DAB1: variants seen among roughly 807,000 people sequenced by gnomAD.
DAB1 encodes DAB adaptor protein 1, also known as disabled homolog 1.
A neutral mutation model predicts 64.6 loss-of-function variants in DAB1; 15 were observed. That is an observed-to-expected ratio of 0.23 (90% CI 0.16 to 0.36). DAB1 has a LOEUF of 0.36. Among genes scored for constraint, DAB1 ranks in the 10% least tolerant of loss-of-function variants. The probability of loss-of-function intolerance (pLI) is 1.00; values close to 1 mark genes in which losing one functional copy is unlikely to be tolerated. For missense variants in DAB1, 596 were observed against 706.7 expected, an observed-to-expected ratio of 0.84 and a Z score of 1.78; for synonymous variants, 235 against 251.9, an observed-to-expected ratio of 0.93 and a Z score of 0.64.
chr1:57,052,961 T>G (rs1243841290), intron 9 of DAB1, among the ~76,000 whole-genome samples: 2 of 152,196 alleles, frequency 1.3e-5, no homozygotes, highest in East Asian at 3.9e-4. Context: ...GTAAAATAAC[T>G]GGAGGCAACT....
At chr1:57,147,115 C>T (rs961754316) in intron 2 of DAB1, among the ~76,000 whole-genome samples, 2 of 151,514 alleles carry the variant, frequency 1.3e-5, no homozygotes, top group Non-Finnish European at 1.5e-5. Flanking sequence ...ACTGCAGCCA[C>T]GACCTCCCAG....
At chr1:58,476,942 G>A (rs780170941) in intron 3 of DAB1, among the ~76,000 whole-genome samples, 9 of 152,198 alleles carry the variant, frequency 5.9e-5, no homozygotes, top group Non-Finnish European at 1.3e-4. Context: ...GTCATTGAGA[G>A]TTGAGTACTG....
At chr1:58,418,631 C>A (rs1302311102) in intron 3 of DAB1, among the ~76,000 whole-genome samples, 4 of 152,050 alleles carry the variant, frequency 2.6e-5, no homozygotes, top group Non-Finnish European at 5.9e-5. Context: ...CAGGAAAAAA[C>A]TGAGAGGCAA....
chr1:57,261,863 T>TA (rs1377689369), intron 2 of DAB1, among the ~76,000 whole-genome samples: 2 of 152,224 alleles, frequency 1.3e-5, no homozygotes, highest in African/African-American at 4.8e-5. Context: ...TGAAGTGCGG[T>TA]AAAAAATGTC....
intron 5 of DAB1, among the ~76,000 whole-genome samples, chr1:58,093,875 C>T (rs538777369): frequency 6.6e-6 from 1 of 152,218 alleles, no homozygotes; most frequent in South Asian, 2.1e-4. Context: ...CCTCTCCTGG[C>T]CTGCTTGCCC....
At chr1:58,320,861 A>T (rs935479846) in intron 4 of DAB1, among the ~76,000 whole-genome samples, 1 of 152,218 alleles carries the variant, frequency 6.6e-6, no homozygotes, top group African/African-American at 2.4e-5. Flanking sequence ...AGATGGGTTC[A>T]GCCAATGGGA....
chr1:57,419,884 C>T (rs998647857), intron 1 of DAB1, among the ~76,000 whole-genome samples: 2 of 152,256 alleles, frequency 1.3e-5, no homozygotes, highest in African/African-American at 2.4e-5. Flanking sequence ...TTACCACCTG[C>T]TATACCACCT....
chr1:58,191,171 C>A (rs1202262493), intron 4 of DAB1, among the ~76,000 whole-genome samples: 1 of 152,148 alleles, frequency 6.6e-6, no homozygotes, highest in South Asian at 2.1e-4. Flanking sequence ...ATCTTCTTAG[C>A]CAGAGTTTTC....
chr1:58,237,400 T>C (rs1219988979), intron 4 of DAB1, among the ~76,000 whole-genome samples: 1 of 152,212 alleles, frequency 6.6e-6, no homozygotes, highest in Non-Finnish European at 1.5e-5. Flanking sequence ...TCCTACTGTG[T>C]TAACATTGCA....
At position 57,568,296 on chromosome 1, in the gene DAB1, A is replaced by C. The variant is rs1010347240; in HGVS notation, n.625+81296T>G. 3.9e-5 allele frequency among the ~76,000 whole-genome samples: 6 copies of C among 152,248 alleles called. No individual in the cohort carries two copies. In the East Asian group the frequency reaches 7.7e-4, roughly 20 times the overall value. ...TAATTCAAGATGAATTAAAGACTTA[A>C]TTGTTAGACCTAAAACCATAAAAAC... On this transcript the variant is annotated intron_variant and non_coding_transcript_variant, in intron 7 of 20. Coordinates refer to the DAB1 transcript ENST00000485760.
intron 7 of DAB1, among the ~76,000 whole-genome samples, chr1:57,490,345 A>T (rs1335247467): frequency 6.6e-6 from 1 of 152,186 alleles, no homozygotes; most frequent in Admixed American, 6.5e-5. Context: ...CTTCTGGAAG[A>T]TCTGAGATCA....
intron 5 of DAB1, among the ~76,000 whole-genome samples, chr1:57,901,892 G>T (rs575729300): frequency 3.9e-5 from 6 of 152,154 alleles, no homozygotes; most frequent in African/African-American, 1.2e-4. Flanking sequence ...CTCTGAACTT[G>T]GTCTTATAGG....
intron 7 of DAB1, among the ~76,000 whole-genome samples, chr1:57,502,189 G>A (rs1290050696): frequency 1.1e-4 from 17 of 151,802 alleles, no homozygotes; most frequent in African/African-American, 4.1e-4. Context: ...GTGTGGTGGC[G>A]GGCGCCTGCA....
chr1:58,303,706 A>G (rs766659350), intron 4 of DAB1, among the ~76,000 whole-genome samples: 1 of 152,150 alleles, frequency 6.6e-6, no homozygotes, highest in Non-Finnish European at 1.5e-5. Flanking sequence ...TTATAAGGAG[A>G]AGAGGAAACA....
At chr1:57,603,098 G>C (rs1829983) in intron 7 of DAB1, among the ~76,000 whole-genome samples, 37,990 of 152,040 alleles carry the variant, frequency 0.25, 4,914 homozygotes, top group East Asian at 0.33. Context: ...TCAGCCTACG[G>C]GGCAGCTAGG....
In DAB1 at chr1:57,773,008, T is replaced by C. The variant is rs142970036; in HGVS notation, n.551+110991A>G. On this transcript the variant is annotated intron_variant and non_coding_transcript_variant, in intron 6 of 20. Coordinates refer to the DAB1 transcript ENST00000485760. Reference sequence around the variant, plus strand: ...AATGAATGCAGAAATTGGAATAATGTATGTATAAACCCAGGAATACCAAGA... The same window carrying C: ...AATGAATGCAGAAATTGGAATAATGCATGTATAAACCCAGGAATACCAAGA... 3.5e-3 allele frequency among the ~76,000 whole-genome samples: 528 copies of C among 152,138 alleles called. 1 individual carries two copies. The highest frequency in any genetic ancestry group is 0.012 in the African/African-American group (494 of 41,526).
chr1:58,470,289 T>C (rs1467534513), intron 3 of DAB1, among the ~76,000 whole-genome samples: 1 of 152,070 alleles, frequency 6.6e-6, no homozygotes, highest in Non-Finnish European at 1.5e-5. Flanking sequence ...TTCTTGTGCC[T>C]CAGCCTCCCA....
At chr1:57,816,041 C>T (rs994334547) in intron 6 of DAB1, among the ~76,000 whole-genome samples, 4 of 152,206 alleles carry the variant, frequency 2.6e-5, no homozygotes, top group East Asian at 1.9e-4. Flanking sequence ...TTGAGGGAGC[C>T]GTTTCTCTGC....
intron 2 of DAB1, among the ~76,000 whole-genome samples, chr1:57,187,296 T>G (rs1203265114): frequency 6.6e-6 from 1 of 152,210 alleles, no homozygotes. Flanking sequence ...CTATTACCTA[T>G]TTCCTTGCTT....
Sources: gnomAD v4.1 joint callset for allele counts (sites outside exome capture counted in the v4.1 genomes callset) on GRCh38, gnomAD v4.1.1 for gene constraint, MANE v1.5 for transcripts, NCBI Gene and HGNC (gene_info 2026-07-23, HGNC 2026-07-21) for gene names.